Variants in SIM1 observed in about 807,000 individuals in gnomAD.
SIM1 encodes SIM bHLH transcription factor 1.
Under a neutral mutation model 78.2 loss-of-function variants are expected in SIM1, and 18 were observed. The ratio of observed to expected loss-of-function variants is 0.23; its 90% CI spans 0.16 to 0.34. SIM1 has a LOEUF of 0.34. Among genes scored for constraint, SIM1 ranks in the 10% least tolerant of loss-of-function variants. The pLI is 1.00. For synonymous variants in SIM1, 417 were observed against 385.2 expected, an observed-to-expected ratio of 1.08 and a Z score of -0.97; for missense variants, 939 against 975.1, an observed-to-expected ratio of 0.96 and a Z score of 0.49.
rs1491530734 is a variant in SIM1, at chr6:100,412,597, AAG to A, written c.1167+8191_1167+8192del. Among the ~76,000 whole-genome samples the A allele has an allele frequency of 9.9e-5, 11 of 111,370 alleles. 1 individual carries two copies. The highest frequency in any genetic ancestry group is 3.4e-4 in the African/African-American group (11 of 32,728). 73.1% of individuals were successfully genotyped at this position (111,370 alleles called of 152,430 possible). The stretch of plus-strand genomic sequence containing the variant: ...AAAGAAAGAAAGAAAGAAAGAAAGA[AAG>A]AAAGAAAGAAAGGAAAGAAAGAAGG... On this transcript the variant is annotated intron_variant, in intron 10 of 11. Coordinates refer to ENST00000369208, the MANE Select transcript of SIM1 (RefSeq NM_005068.3).
chr6:100,448,083 C>T (rs1772409215), intron 8 of SIM1, 63 bp downstream of exon 8: 8 of 1,354,694 alleles, frequency 5.9e-6, no homozygotes, highest in Admixed American at 3.9e-5. Flanking sequence ...ATCGTGGCTC[C>T]CCCACCCCCT....
chr6:100,406,432 G>C (rs1771052169), intron 10 of SIM1, among the ~76,000 whole-genome samples: 1 of 152,104 alleles, frequency 6.6e-6, no homozygotes, highest in Non-Finnish European at 1.5e-5. Context: ...AGCTGTTCTT[G>C]GGAGTGTCCT....
intron 9 of SIM1, among the ~76,000 whole-genome samples, chr6:100,443,815 T>C (rs1252128254): frequency 6.6e-6 from 1 of 152,134 alleles, no homozygotes; most frequent in Non-Finnish European, 1.5e-5. Flanking sequence ...ACATTAAAAA[T>C]AGGCACACAT....
chr6:100,412,815 A>C (rs1771294580), intron 10 of SIM1, among the ~76,000 whole-genome samples: 1 of 152,144 alleles, frequency 6.6e-6, no homozygotes, highest in Admixed American at 6.5e-5. Context: ...GACGGACGGA[A>C]GGAAGGAAAG....
chr6:100,441,289 G>A (rs1359849999), intron 9 of SIM1, among the ~76,000 whole-genome samples: 1 of 152,188 alleles, frequency 6.6e-6, no homozygotes, highest in Non-Finnish European at 1.5e-5. Flanking sequence ...TGGCACAGCA[G>A]ACCCAAGAAT....
At chr6:100,396,360 G>T (rs183726153) in intron 10 of SIM1, among the ~76,000 whole-genome samples, 1 of 152,144 alleles carries the variant, frequency 6.6e-6, no homozygotes, top group African/African-American at 2.4e-5. Context: ...GTTAAGAGGG[G>T]GAAAAGCTTT....
intron 9 of SIM1, among the ~76,000 whole-genome samples, chr6:100,446,954 T>C (rs142406840): frequency 2.0e-5 from 3 of 152,362 alleles, no homozygotes; most frequent in South Asian, 4.1e-4. Context: ...CTCTCTCTCT[T>C]TCTTTCTGCC....
intron 10 of SIM1, among the ~76,000 whole-genome samples, chr6:100,398,512 T>C (rs1366041189): frequency 6.6e-6 from 1 of 152,164 alleles, no homozygotes; most frequent in Non-Finnish European, 1.5e-5. Context: ...GTACCTCACA[T>C]AAGTAAATTC....
intron 3 of SIM1, 101 bp downstream of exon 3, chr6:100,453,659 GTT>G: frequency 5.1e-6 from 4 of 784,396 alleles, no homozygotes; most frequent in Non-Finnish European, 3.9e-6. Context: ...GGGGTTGTTT[GTT>G]TTTTTTTTGT....
intron 10 of SIM1, among the ~76,000 whole-genome samples, chr6:100,417,692 A>G (rs754489599): frequency 6.6e-6 from 1 of 152,148 alleles, no homozygotes; most frequent in Admixed American, 6.6e-5. Flanking sequence ...AGTGTGCCCC[A>G]GAGGAAACTC....
In SIM1 at chr6:100,390,262, C is replaced by G. The variant is rs777887808; in HGVS notation, c.*99G>C. On this transcript the variant is annotated 3_prime_UTR_variant, in exon 12 of 12. Transcript: ENST00000369208. ...CAAATACCCAGTAACTTAAGTTATACTCTCTAACAATCTGTGGCATAGTAA... is the reference window on the plus strand; with the variant it reads ...CAAATACCCAGTAACTTAAGTTATAGTCTCTAACAATCTGTGGCATAGTAA... 7.5e-7 allele frequency: 1 copy of G among 1,330,504 alleles called. No homozygotes were observed. The highest frequency in any genetic ancestry group is 1.5e-5 in the African/African-American group (1 of 67,946). The allele number at this position is 1,330,504 out of a possible 1,614,324, so 82.4% of individuals were successfully genotyped here.
chr6:100,456,564 A>T (rs1416806010), intron 2 of SIM1, among the ~76,000 whole-genome samples: 1 of 152,246 alleles, frequency 6.6e-6, no homozygotes, highest in African/African-American at 2.4e-5. Context: ...GGTTTTAGAC[A>T]AAAGGATTTT....
chr6:100,421,234 A>G (rs907640976), intron 9 of SIM1, among the ~76,000 whole-genome samples: 1 of 152,178 alleles, frequency 6.6e-6, no homozygotes, highest in Non-Finnish European at 1.5e-5. Flanking sequence ...TGAGATATGA[A>G]TTAAACAACC....
At chr6:100,442,611 TGC>T (rs1396242046) in intron 9 of SIM1, among the ~76,000 whole-genome samples, 4 of 152,132 alleles carry the variant, frequency 2.6e-5, no homozygotes, top group African/African-American at 9.7e-5. Context: ...TTCTGAAGCT[TGC>T]TAAGTGAAAA....
Position 100,390,674 on chromosome 6 carries a change from G to A in SIM1, c.1988C>T (p.Ser663Leu), listed in dbSNP as rs775710848. 6.8e-6 allele frequency: 11 copies of A among 1,613,954 alleles called. No individual in the cohort carries two copies. Among genetic ancestry groups the A allele is most frequent in the Middle Eastern group, 1.6e-4 (1 of 6,084 alleles). Residue 663 changes from serine to leucine, a missense_variant, in exon 12 of 12, where the codon TCG (serine) becomes TTG (leucine). Transcript: ENST00000369208. Reference protein sequence around the residue: ...TALSRISSPNSDRISKSSLIL... With the variant: ...TALSRISSPNLDRISKSSLIL... ...CAAACTGGATTTTGAAATGCGATCC[G>A]AATTGGGACTACTTATCCGAGATAG...
At chr6:100,408,289 T>C (rs62420430) in intron 10 of SIM1, among the ~76,000 whole-genome samples, 4,115 of 152,218 alleles carry the variant, frequency 0.027, 107 homozygotes, top group Non-Finnish European at 0.04. Context: ...GTCTCTATTC[T>C]CTTCCACTGG....
chr6:100,397,070 A>C (rs1770785575), intron 10 of SIM1, among the ~76,000 whole-genome samples: 1 of 152,208 alleles, frequency 6.6e-6, no homozygotes, highest in Admixed American at 6.5e-5. Context: ...ACAATAATCC[A>C]AGTCTACAAA....
rs1247469281 is a variant in SIM1 at position 100,389,504 on chromosome 6, T to C, written c.*857A>G. 6 of 397,600 alleles carry C rather than the reference T, an allele frequency of 1.5e-5. No homozygotes were observed. The highest frequency in any genetic ancestry group is 2.7e-5 in the Non-Finnish European group (6 of 225,664). 24.6% of individuals were successfully genotyped at this position (397,600 alleles called of 1,614,324 possible). Reference sequence around the variant, plus strand: ...AAACCCCAAATATGTTGTTTACTTATGCTGAGCCCTTAAATTGTGTTAAAC... The same window carrying C: ...AAACCCCAAATATGTTGTTTACTTACGCTGAGCCCTTAAATTGTGTTAAAC... On this transcript the variant is annotated 3_prime_UTR_variant, in exon 12 of 12. Coordinates refer to ENST00000369208, the MANE Select transcript of SIM1 (RefSeq NM_005068.3).
chr6:100,445,055 T>C (rs1329324846), intron 9 of SIM1, among the ~76,000 whole-genome samples: 1 of 152,204 alleles, frequency 6.6e-6, no homozygotes, highest in South Asian at 2.1e-4. Context: ...AAAACAAATG[T>C]ATGTGGTAGT....
Sources: allele counts gnomAD v4.1 joint callset (sites outside exome capture counted in the v4.1 genomes callset), GRCh38; gene constraint gnomAD v4.1.1; transcripts MANE v1.5; gene names NCBI Gene and HGNC (gene_info 2026-07-23, HGNC 2026-07-21).